GABBR2: variants seen among roughly 807,000 people sequenced by gnomAD.
The protein encoded by GABBR2 is gamma-aminobutyric acid type B receptor subunit 2, also known as G-protein coupled receptor 51.
In GABBR2, 23 loss-of-function variants were observed where a neutral mutation model predicts 105.6. The observed-to-expected ratio is 0.22, with a 90% CI of 0.16 to 0.31. The LOEUF (loss-of-function observed/expected upper bound fraction) is 0.31. GABBR2 is among the 10% of genes least tolerant of loss of function. GABBR2 has a pLI of 1.00. For synonymous variants in GABBR2, 478 were observed against 499.7 expected (o/e 0.96, Z 0.58); for missense variants, 734 against 1,245.5 (o/e 0.59, Z 6.18).
At chr9:98,437,638 C>G (rs990551007) in intron 7 of GABBR2, among the ~76,000 whole-genome samples, 2 of 90,586 alleles carry the variant, frequency 2.2e-5, no homozygotes, top group Non-Finnish European at 4.1e-5. Context: ...TGCCATCTTC[C>G]TGTTAATCCA....
At chr9:98,651,605 A>T (rs1045591266) in intron 1 of GABBR2, among the ~76,000 whole-genome samples, 2 of 151,520 alleles carry the variant, frequency 1.3e-5, no homozygotes, top group African/African-American at 4.9e-5. Flanking sequence ...TGGCTAATTT[A>T]AAAAAAAATT....
chr9:98,492,629 C>T (rs1173135048), intron 4 of GABBR2, among the ~76,000 whole-genome samples: 1 of 152,086 alleles, frequency 6.6e-6, no homozygotes, highest in African/African-American at 2.4e-5. Flanking sequence ...GTCATGCCTC[C>T]TTCAGCTCCT....
intron 3 of GABBR2, among the ~76,000 whole-genome samples, chr9:98,504,105 T>C (rs1244766972): frequency 6.6e-6 from 1 of 151,874 alleles, no homozygotes; most frequent in Non-Finnish European, 1.5e-5. Flanking sequence ...CCCCCTCTAG[T>C]AGGTACATCT....
At chr9:98,651,287 G>T (rs2131845922) in intron 1 of GABBR2, among the ~76,000 whole-genome samples, 1 of 151,914 alleles carries the variant, frequency 6.6e-6, no homozygotes, top group Admixed American at 6.6e-5. Flanking sequence ...GGGATTACAG[G>T]CATGCACCAC....
rs868643062 is a variant in GABBR2, at chr9:98,473,305, G to T, written c.840C>A (p.Ile280=). The T allele has an allele frequency of 1.9e-6, 3 of 1,613,540 alleles. No individual in the cohort carries two copies. In the Middle Eastern group the frequency reaches 4.9e-4, roughly 266 times the overall value. The change falls in exon 6 of 19, where the codon ATC becomes ATA. Residue 280 remains isoleucine (I), a synonymous_variant. Coordinates refer to ENST00000259455, the MANE Select transcript of GABBR2 (RefSeq NM_005458.8). ...ENMYGSKYQW[I]IPGWYEPSWW... The stretch of plus-strand genomic sequence containing the variant: ...AAGAAGGCTCGTACCAGCCCGGAAT[G>T]ATCCACTGATATTTACTACCATACA...
chr9:98,477,494 TC>T (rs1186694705), intron 5 of GABBR2, among the ~76,000 whole-genome samples: 2 of 152,172 alleles, frequency 1.3e-5, no homozygotes, highest in South Asian at 4.1e-4. Context: ...AGCCTTGGCC[TC>T]CCAAAGTGTT....
intron 8 of GABBR2, among the ~76,000 whole-genome samples, chr9:98,399,013 C>A (rs1412176558): frequency 6.6e-6 from 1 of 152,098 alleles, no homozygotes; most frequent in African/African-American, 2.4e-5. Context: ...CTGTCTGCCC[C>A]AGGAGCACTT....
intron 1 of GABBR2, among the ~76,000 whole-genome samples, chr9:98,619,537 C>T (rs181416892): frequency 9.2e-5 from 14 of 152,304 alleles, no homozygotes; most frequent in African/African-American, 3.4e-4. Flanking sequence ...GATATTTCAT[C>T]GGAATCCAAG....
At chr9:98,622,938 C>T (rs1413965617) in intron 1 of GABBR2, among the ~76,000 whole-genome samples, 8 of 152,136 alleles carry the variant, frequency 5.3e-5, no homozygotes, top group Admixed American at 5.2e-4. Flanking sequence ...GAATGTACAA[C>T]ACTATGGACT....
At chr9:98,578,173 G>T in intron 1 of GABBR2, 101 bp from the exon 2 acceptor site, 1 of 1,329,538 alleles carries the variant, frequency 7.5e-7, no homozygotes, top group Non-Finnish European at 1.1e-6. Context: ...AACCTTCTGG[G>T]TTTCAGTTCT....
At chr9:98,384,821 T>G (rs1169353625) in intron 11 of GABBR2, among the ~76,000 whole-genome samples, 1 of 151,838 alleles carries the variant, frequency 6.6e-6, no homozygotes, top group Non-Finnish European at 1.5e-5. Flanking sequence ...GTATAAACCA[T>G]AGATATATAT....
At chr9:98,373,740 T>C (rs1225549458) in intron 11 of GABBR2, among the ~76,000 whole-genome samples, 1 of 152,072 alleles carries the variant, frequency 6.6e-6, no homozygotes. Context: ...ATACAGACCA[T>C]GGGCATTTTA....
chr9:98,445,161 A>G (rs1826104230), intron 7 of GABBR2, among the ~76,000 whole-genome samples: 1 of 152,224 alleles, frequency 6.6e-6, no homozygotes, highest in Non-Finnish European at 1.5e-5. Context: ...AGCTTCTACC[A>G]GGCATAAAGG....
chr9:98,339,854 G>A (rs561492257), intron 13 of GABBR2, among the ~76,000 whole-genome samples: 191 of 152,276 alleles, frequency 1.3e-3, no homozygotes, highest in African/African-American at 4.3e-3. Flanking sequence ...AAAAGCCAGG[G>A]GAATATGCTA....
At chr9:98,699,182 C>G (rs1345103319) in intron 1 of GABBR2, among the ~76,000 whole-genome samples, 1 of 152,122 alleles carries the variant, frequency 6.6e-6, no homozygotes, top group African/African-American at 2.4e-5. Context: ...TAGCGTATTG[C>G]TCCAATAAAC....
At chr9:98,559,727 G>C (rs1222312330) in intron 2 of GABBR2, among the ~76,000 whole-genome samples, 2 of 152,100 alleles carry the variant, frequency 1.3e-5, no homozygotes, top group Non-Finnish European at 2.9e-5. Context: ...GCACAAATGT[G>C]ACAATGTGGC....
At chr9:98,684,542 C>T (rs1442900647) in intron 1 of GABBR2, among the ~76,000 whole-genome samples, 3 of 152,078 alleles carry the variant, frequency 2.0e-5, no homozygotes, top group Non-Finnish European at 4.4e-5. Context: ...TCAGTGGTGA[C>T]GGATTCCATT....
intron 2 of GABBR2, among the ~76,000 whole-genome samples, chr9:98,575,616 A>G (rs1828896380): frequency 6.6e-6 from 1 of 152,144 alleles, no homozygotes; most frequent in Non-Finnish European, 1.5e-5. Flanking sequence ...GTGCTCCTCA[A>G]TGTTCAGGAA....
chr9:98,373,399 C>A (rs1588127685), intron 11 of GABBR2, among the ~76,000 whole-genome samples: 1 of 152,326 alleles, frequency 6.6e-6, no homozygotes, highest in African/African-American at 2.4e-5. Context: ...CCAGCGCATT[C>A]AAGATAGTTC....
Sources: allele counts gnomAD v4.1 joint callset (sites outside exome capture counted in the v4.1 genomes callset), GRCh38; gene constraint gnomAD v4.1.1; transcripts MANE v1.5; gene names NCBI Gene and HGNC (gene_info 2026-07-23, HGNC 2026-07-21).